The following RABGEF1 variants were observed in gnomAD, a reference collection of about 807,000 sequenced individuals.
RABGEF1 encodes rab5 GDP/GTP exchange factor.
Under a neutral mutation model 57.3 loss-of-function variants are expected in RABGEF1, and 26 were observed. That is an observed-to-expected ratio of 0.45 (90% CI 0.33 to 0.63). The LOEUF is 0.63. RABGEF1 is among the 20% of genes least tolerant of loss of function. RABGEF1 has a pLI of 0.02. For missense variants in RABGEF1, 464 were observed against 607.6 expected, an observed-to-expected ratio of 0.76 and a Z score of 2.48; for synonymous variants, 185 against 210.7, an observed-to-expected ratio of 0.88 and a Z score of 1.06.
At chr7:66,751,151 C>T (rs960149644) in intron 1 of RABGEF1, among the ~76,000 whole-genome samples, 1 of 152,112 alleles carries the variant, frequency 6.6e-6, no homozygotes, top group Non-Finnish European at 1.5e-5. Context: ...CTGCCTCAGC[C>T]TCCTGAGTAG....
intron 1 of RABGEF1, among the ~76,000 whole-genome samples, chr7:66,764,260 T>G (rs1805149303): frequency 6.6e-6 from 1 of 152,232 alleles, no homozygotes; most frequent in Non-Finnish European, 1.5e-5. Flanking sequence ...CACGACTGTT[T>G]GCATATCTTT....
At chr7:66,669,458 G>C in the RABGEF1 span, among the ~76,000 whole-genome samples, 2 of 152,196 alleles carry the variant, frequency 1.3e-5, no homozygotes, top group South Asian at 2.1e-4. Flanking sequence ...TAAGGTTGCT[G>C]TGGGATGGGT....
chr7:66,800,060 T>C (rs1786928486), intron 7 of RABGEF1, among the ~76,000 whole-genome samples: 1 of 152,228 alleles, frequency 6.6e-6, no homozygotes, highest in Admixed American at 6.5e-5. Context: ...GAGATGGTCA[T>C]CTTTGGCCAG....
chr7:66,783,643 A>G, intron 3 of RABGEF1, 32 bp from the exon 4 acceptor site: 2 of 1,560,156 alleles, frequency 1.3e-6, no homozygotes, highest in Non-Finnish European at 1.7e-6. Flanking sequence ...CTTTTATGTC[A>G]TGAAACTTAC....
intron 1 of RABGEF1, among the ~76,000 whole-genome samples, chr7:66,764,910 C>A (rs991444414): frequency 6.6e-6 from 1 of 152,206 alleles, no homozygotes; most frequent in Admixed American, 6.5e-5. Flanking sequence ...TTCTTACATT[C>A]TTTTTCAGTA....
At chr7:66,721,796 C>T (rs1275523956) in intron 2 of RABGEF1, among the ~76,000 whole-genome samples, 2 of 152,056 alleles carry the variant, frequency 1.3e-5, no homozygotes, top group South Asian at 4.1e-4. Flanking sequence ...GGTAGAACCC[C>T]GTCTCTACTC....
intron 7 of RABGEF1, among the ~76,000 whole-genome samples, chr7:66,799,937 A>G (rs1390589126): frequency 2.0e-5 from 3 of 152,122 alleles, no homozygotes; most frequent in Non-Finnish European, 4.4e-5. Context: ...TTGATGTGAC[A>G]CTGCCGTTCT....
chr7:66,697,565 G>A (rs1480232726), intron 1 of RABGEF1, among the ~76,000 whole-genome samples: 2 of 152,064 alleles, frequency 1.3e-5, no homozygotes, highest in Non-Finnish European at 2.9e-5. Context: ...CTTGGCAGGC[G>A]GGGACCATGA....
upstream of RABGEF1, among the ~76,000 whole-genome samples, chr7:66,681,868 T>A (rs1467413872): frequency 6.6e-6 from 1 of 152,030 alleles, no homozygotes; most frequent in Non-Finnish European, 1.5e-5. Context: ...CTCCCGCTGC[T>A]GCGCATCGGG....
At chr7:66,675,095 G>C in the RABGEF1 span, among the ~76,000 whole-genome samples, 1 of 152,122 alleles carries the variant, frequency 6.6e-6, no homozygotes, top group South Asian at 2.1e-4. Flanking sequence ...CTGTGCCAGC[G>C]ATTTTCTAAT....
intron 8 of RABGEF1, among the ~76,000 whole-genome samples, chr7:66,805,626 G>A (rs1304830726): frequency 6.6e-6 from 1 of 152,224 alleles, no homozygotes; most frequent in African/African-American, 2.4e-5. Context: ...GATGACATGT[G>A]TTGGGCATCA....
chr7:66,656,314 G>T, the RABGEF1 span, among the ~76,000 whole-genome samples: 1 of 151,864 alleles, frequency 6.6e-6, no homozygotes. Flanking sequence ...ATGGAGTCTT[G>T]GTGTGTTGCC....
chr7:66,728,676 C>CATG (rs1336733095), intron 2 of RABGEF1, among the ~76,000 whole-genome samples: 1 of 151,174 alleles, frequency 6.6e-6, no homozygotes, highest in Non-Finnish European at 1.5e-5. Flanking sequence ...CCTCCACCTT[C>CATG]ACCTCCATCC....
intron 1 of RABGEF1, among the ~76,000 whole-genome samples, chr7:66,741,979 A>T (rs1259154512): frequency 2.7e-5 from 1 of 37,632 alleles, no homozygotes; most frequent in Non-Finnish European, 7.1e-5. Flanking sequence ...TACTACAAAT[A>T]AAAAAAAAAA....
At chr7:66,769,874 T>C (rs1257490625) in intron 1 of RABGEF1, among the ~76,000 whole-genome samples, 1 of 152,216 alleles carries the variant, frequency 6.6e-6, no homozygotes, top group African/African-American at 2.4e-5. Context: ...ATTCATATTT[T>C]ACACTTGCCT....
chr7:66,797,549 A>G (rs1426807019), intron 6 of RABGEF1, 43 bp downstream of exon 6: 1 of 1,584,410 alleles, frequency 6.3e-7, no homozygotes, highest in South Asian at 1.1e-5. Context: ...CTACCTTCTA[A>G]TGGAAGAACA....
At chr7:66,675,922 C>G in the RABGEF1 span, among the ~76,000 whole-genome samples, 1 of 152,050 alleles carries the variant, frequency 6.6e-6, no homozygotes, top group Admixed American at 6.6e-5. Context: ...TGAAAGTAAT[C>G]AAAGAAGACA....
chr7:66,680,055 A>T (rs1789588161), upstream of RABGEF1, among the ~76,000 whole-genome samples: 1 of 151,880 alleles, frequency 6.6e-6, no homozygotes, highest in South Asian at 2.1e-4. Context: ...AAGAGGAAAC[A>T]CTCATTCTGT....
At chr7:66,792,200 T>C (rs1812861721) in intron 4 of RABGEF1, among the ~76,000 whole-genome samples, 1 of 152,152 alleles carries the variant, frequency 6.6e-6, no homozygotes, top group Admixed American at 6.6e-5. Flanking sequence ...TGCTCTACTA[T>C]CTTTTTTTCT....
Sources: allele counts gnomAD v4.1 joint callset (sites outside exome capture counted in the v4.1 genomes callset), GRCh38; gene constraint gnomAD v4.1.1; transcripts MANE v1.5; gene names NCBI Gene and HGNC (gene_info 2026-07-23, HGNC 2026-07-21).